The following MAP1B variants were observed in gnomAD, a reference collection of about 807,000 sequenced individuals.
The protein encoded by MAP1B is microtubule associated protein 1B, also known as microtubule-associated protein 1B.
A neutral mutation model predicts 176.1 loss-of-function variants in MAP1B; 12 were observed. The ratio of observed to expected loss-of-function variants is 0.07; its 90% confidence interval spans 0.04 to 0.11. The LOEUF is 0.11. Ranked by LOEUF, MAP1B falls within the 10% of genes least tolerant of loss-of-function variation. The pLI is 1.00. For synonymous variants in MAP1B, 1,044 were observed against 1,135.0 expected, an observed-to-expected ratio of 0.92 and a Z score of 1.61; for missense variants, 2,523 against 2,990.5, an observed-to-expected ratio of 0.84 and a Z score of 3.65.
At chr5:72,135,008 G>A (rs954663956) in intron 2 of MAP1B, among the ~76,000 whole-genome samples, 8 of 151,004 alleles carry the variant, frequency 5.3e-5, no homozygotes, top group Middle Eastern at 3.4e-3. Context: ...CAGATGCTTT[G>A]AGCCCAGAGC....
chr5:72,152,272 G>A (rs1266534895), intron 2 of MAP1B, among the ~76,000 whole-genome samples: 1 of 152,164 alleles, frequency 6.6e-6, no homozygotes, highest in Non-Finnish European at 1.5e-5. Context: ...GAGGGACACA[G>A]TGAAGCAATT....
chr5:72,192,733 C>T (rs1747049934), intron 4 of MAP1B, among the ~76,000 whole-genome samples: 1 of 152,142 alleles, frequency 6.6e-6, no homozygotes, highest in East Asian at 1.9e-4. Flanking sequence ...CCTTTTCAGT[C>T]GAAACTCTGA....
rs1185148741 is a variant in MAP1B at position 72,195,634 on chromosome 5, C to A, written c.2279C>A (p.Pro760His). 6.2e-7 allele frequency: 1 copy of A among 1,614,156 alleles called. No individual in the cohort carries two copies. Among genetic ancestry groups the A allele is most frequent in the Non-Finnish European group, 8.5e-7 (1 of 1,180,034 alleles). Reference protein sequence around the residue: ...KKPAALKPKVPKKEESVKKDS... With the variant: ...KKPAALKPKVHKKEESVKKDS... ...CCAGCTGCTTTAAAACCAAAAGTAC[C>A]CAAGAAGGAAGAGTCTGTCAAGAAA... Residue 760 changes from proline to histidine, a missense_variant, in exon 5 of 7, where the codon CCC (proline) becomes CAC (histidine). Around this residue, in one of 4 missense-constraint regions of MAP1B, gnomAD observed 1,925 missense variants for 2,126.0 expected, o/e 0.91. Coordinates refer to ENST00000296755, the MANE Select transcript of MAP1B (RefSeq NM_005909.5).
chr5:72,180,000 G>A, intron 2 of MAP1B: 3 of 896,676 alleles, frequency 3.3e-6, no homozygotes, highest in Non-Finnish European at 4.0e-6. Context: ...GAAGGCTCCT[G>A]CCAGGGGCCA....
At chr5:72,108,787 C>A (rs1049840812) in intron 1 of MAP1B, among the ~76,000 whole-genome samples, 6 of 152,182 alleles carry the variant, frequency 3.9e-5, no homozygotes, top group African/African-American at 1.4e-4. Context: ...CTCAGTTTGC[C>A]TGGCTTTGTT....
intron 2 of MAP1B, among the ~76,000 whole-genome samples, chr5:72,140,226 G>A (rs570302400): frequency 5.3e-5 from 8 of 152,284 alleles, no homozygotes; most frequent in African/African-American, 1.9e-4. Context: ...GCCTCCCAAA[G>A]TGCTGGGATT....
At chr5:72,203,400 G>A (rs2111900502) in intron 5 of MAP1B, among the ~76,000 whole-genome samples, 163 bp from the exon 6 acceptor site, 1 of 152,308 alleles carries the variant, frequency 6.6e-6, no homozygotes, top group East Asian at 1.9e-4. Context: ...AAATGCCCTT[G>A]ACAGATTACC....
chr5:72,147,659 C>T (rs1413930584), intron 2 of MAP1B, among the ~76,000 whole-genome samples: 4 of 152,208 alleles, frequency 2.6e-5, no homozygotes, highest in Non-Finnish European at 5.9e-5. Flanking sequence ...CCTGTGCCCT[C>T]CCAGGGACTA....
Position 72,140,778 on chromosome 5 carries a change from C to T in MAP1B, c.286+24979C>T, listed in dbSNP as rs1745933242. Among the ~76,000 whole-genome samples, 3 of 152,146 alleles carry T rather than the reference C, an allele frequency of 2.0e-5. No homozygotes were observed. In the South Asian group the frequency reaches 6.2e-4, roughly 32 times the overall value. The stretch of plus-strand genomic sequence containing the variant: ...CACCTATGCAGATGAATGAAATCAC[C>T]AACTTTAGGCAACATGAAAAAATAA... On this transcript the variant is annotated intron_variant, in intron 2 of 6. Coordinates refer to ENST00000296755, the MANE Select transcript of MAP1B (RefSeq NM_005909.5).
chr5:72,132,110 G>T (rs1745744362), intron 2 of MAP1B, among the ~76,000 whole-genome samples: 1 of 152,140 alleles, frequency 6.6e-6, no homozygotes, highest in African/African-American at 2.4e-5. Context: ...AATAAAGCCT[G>T]CCTTCACCAT....
chr5:72,127,190 A>G (rs1306549222), intron 2 of MAP1B, among the ~76,000 whole-genome samples: 1 of 152,234 alleles, frequency 6.6e-6, no homozygotes, highest in Non-Finnish European at 1.5e-5. Context: ...CTGAATTTTA[A>G]TAAGCATGGT....
chr5:72,158,665 G>A (rs1041587952), intron 2 of MAP1B, among the ~76,000 whole-genome samples: 1 of 152,154 alleles, frequency 6.6e-6, no homozygotes, highest in Non-Finnish European at 1.5e-5. Flanking sequence ...CCAAATCCTG[G>A]GCTCAGTGGA....
chr5:72,137,304 T>C (rs951477518), intron 2 of MAP1B, among the ~76,000 whole-genome samples: 1 of 152,230 alleles, frequency 6.6e-6, no homozygotes, highest in African/African-American at 2.4e-5. Flanking sequence ...CCTAAATTTC[T>C]GTAGAACCTT....
chr5:72,179,824 T>A, intron 2 of MAP1B: 1 of 985,474 alleles, frequency 1.0e-6, no homozygotes, highest in Non-Finnish European at 1.2e-6. Context: ...TTCCTCTCAA[T>A]ATTTCCAAAG....
At chr5:72,140,433 A>G (rs1035414026) in intron 2 of MAP1B, among the ~76,000 whole-genome samples, 3 of 152,234 alleles carry the variant, frequency 2.0e-5, no homozygotes, top group African/African-American at 7.2e-5. Flanking sequence ...ACTGGCTTTG[A>G]CCATTTCATG....
At chr5:72,156,013 C>T (rs532321425) in intron 2 of MAP1B, among the ~76,000 whole-genome samples, 94 of 152,244 alleles carry the variant, frequency 6.2e-4, no homozygotes, top group African/African-American at 1.9e-3. Flanking sequence ...GTGATCCACC[C>T]GCCTTGGCCT....
chr5:72,122,446 T>G (rs1745547872), intron 2 of MAP1B, among the ~76,000 whole-genome samples: 1 of 152,154 alleles, frequency 6.6e-6, no homozygotes, highest in Non-Finnish European at 1.5e-5. Context: ...AAGCTTTACA[T>G]CTTGGTCAAC....
Position 72,196,857 on chromosome 5 carries a change from T to C in MAP1B, c.3502T>C (p.Ser1168Pro). 1 of 1,614,180 alleles carries C rather than the reference T, an allele frequency of 6.2e-7. No homozygotes were observed. The highest frequency in any genetic ancestry group is 1.1e-5 in the South Asian group (1 of 91,074). Reference protein sequence around the residue: ...EFVNITKYESSLYSQEYSKPA... With the variant: ...EFVNITKYESPLYSQEYSKPA... ...CGTAAATATCACCAAATATGAATCT[T>C]CATTGTATTCTCAGGAATACTCTAA... is the stretch of plus-strand genomic sequence containing the variant. Residue 1168 changes from serine (S) to proline (P), a missense_variant, in exon 5 of 7, where the codon TCA becomes CCA. Around this residue, in one of 4 missense-constraint regions of MAP1B, gnomAD observed 1,925 missense variants for 2,126.0 expected, o/e 0.91. Transcript: ENST00000296755. The surrounding 1 kb of genome is among the most constrained non-coding windows in gnomAD (Gnocchi z 5.3).
chr5:72,147,224 C>T (rs1746062441), intron 2 of MAP1B, among the ~76,000 whole-genome samples: 1 of 152,114 alleles, frequency 6.6e-6, no homozygotes, highest in African/African-American at 2.4e-5. Context: ...TCACCTCGGC[C>T]TCCCAAAGTG....
Sources: allele counts gnomAD v4.1 joint callset (sites outside exome capture counted in the v4.1 genomes callset), GRCh38; gene constraint gnomAD v4.1.1; regional missense constraint gnomAD v4.1.1; non-coding constraint Gnocchi (gnomAD v3.1); transcripts MANE v1.5; gene names NCBI Gene and HGNC (gene_info 2026-07-23, HGNC 2026-07-21).